The following LOC122539214 variants were observed in gnomAD, a reference collection of about 807,000 sequenced individuals.
chr19:52,655,580 G>T, the LOC122539214 span: 11 of 1,501,988 alleles, frequency 7.3e-6, no homozygotes, highest in Non-Finnish European at 1.0e-5. Flanking sequence ...CCAGGTTCCT[G>T]TAGTTCTCCA....
At chr19:52,668,526 G>T in the LOC122539214 span, among the ~76,000 whole-genome samples, 13,287 of 152,100 alleles carry the variant, frequency 0.087, 620 homozygotes, top group Non-Finnish European at 0.11. Context: ...CTTCTTTAGG[G>T]TGTGCTTTTT....
chr19:52,652,569 T>A, the LOC122539214 span: 1 of 434,464 alleles, frequency 2.3e-6, no homozygotes, highest in Non-Finnish European at 4.6e-6. Flanking sequence ...AACGTTTCTT[T>A]CCAGTATGAG....
chr19:52,673,082 G>T, the LOC122539214 span, among the ~76,000 whole-genome samples: 8 of 152,112 alleles, frequency 5.3e-5, no homozygotes, highest in Non-Finnish European at 7.3e-5. Flanking sequence ...CTGGATGTGA[G>T]CCTGTAATCC....
the LOC122539214 span, among the ~76,000 whole-genome samples, chr19:52,674,015 C>CAAAAAAA: frequency 8.2e-5 from 6 of 73,042 alleles, no homozygotes; most frequent in African/African-American, 1.0e-4. Flanking sequence ...GACTCCATCT[C>CAAAAAAA]AAAAAAAAAA....
the LOC122539214 span, among the ~76,000 whole-genome samples, chr19:52,658,983 G>A: frequency 4.3e-3 from 654 of 152,130 alleles, 1 homozygote; most frequent in Non-Finnish European, 6.8e-3. Context: ...GCTCAGGGCC[G>A]GCTCTTGGTG....
chr19:52,665,552 T>C, the LOC122539214 span, among the ~76,000 whole-genome samples: 2 of 152,238 alleles, frequency 1.3e-5, no homozygotes, highest in Non-Finnish European at 2.9e-5. Context: ...TGTGTCAGTA[T>C]GTGCAATTAT....
At chr19:52,681,595 A>G in the LOC122539214 span, among the ~76,000 whole-genome samples, 1 of 152,212 alleles carries the variant, frequency 6.6e-6, no homozygotes, top group African/African-American at 2.4e-5. Context: ...CTTGGAGACA[A>G]GTGCATCACA....
chr19:52,678,196 T>C, the LOC122539214 span, among the ~76,000 whole-genome samples: 1 of 151,984 alleles, frequency 6.6e-6, no homozygotes. Flanking sequence ...CTCAAGCCTG[T>C]AATCCTAGCA....
At chr19:52,686,403 A>T in the LOC122539214 span, among the ~76,000 whole-genome samples, 1 of 151,458 alleles carries the variant, frequency 6.6e-6, no homozygotes. Context: ...ATTAAGTATT[A>T]AAAAAGATAC....
At chr19:52,658,040 G>A in the LOC122539214 span, among the ~76,000 whole-genome samples, 1 of 151,630 alleles carries the variant, frequency 6.6e-6, no homozygotes, top group Non-Finnish European at 1.5e-5. Context: ...AAAGGCTAAG[G>A]CAGGAGAATT....
the LOC122539214 span, among the ~76,000 whole-genome samples, chr19:52,667,622 T>C: frequency 0.079 from 12,006 of 152,200 alleles, 1,570 homozygotes; most frequent in African/African-American, 0.27. Context: ...AAAATGTTAA[T>C]TGTAAAGGAA....
the LOC122539214 span, among the ~76,000 whole-genome samples, chr19:52,676,931 T>A: frequency 1.4e-5 from 2 of 139,178 alleles, no homozygotes; most frequent in Admixed American, 7.4e-5. Context: ...GAAGGCAGCA[T>A]GCTCCTTAAG....
chr19:52,676,298 G>C, the LOC122539214 span, among the ~76,000 whole-genome samples: 1 of 152,192 alleles, frequency 6.6e-6, no homozygotes, highest in Non-Finnish European at 1.5e-5. Flanking sequence ...TGGTGCCCAG[G>C]CTGGAGTGCA....
the LOC122539214 span, among the ~76,000 whole-genome samples, chr19:52,684,097 C>T: frequency 6.6e-6 from 1 of 151,930 alleles, no homozygotes; most frequent in African/African-American, 2.4e-5. Flanking sequence ...GAGCTGGGTG[C>T]AGGGCTCATG....
the LOC122539214 span, among the ~76,000 whole-genome samples, chr19:52,676,908 T>TA: frequency 7.3e-6 from 1 of 137,054 alleles, no homozygotes; most frequent in East Asian, 2.0e-4. Flanking sequence ...TGTGCTTTGT[T>TA]AAACAGATGC....
the LOC122539214 span, among the ~76,000 whole-genome samples, chr19:52,680,929 G>A: frequency 5.1e-3 from 771 of 151,744 alleles, 8 homozygotes; most frequent in African/African-American, 0.017. Flanking sequence ...AATATTTTAA[G>A]ATCCCTTAAG....
chr19:52,687,610 T>TGTG, the LOC122539214 span, among the ~76,000 whole-genome samples: 1 of 30,046 alleles, frequency 3.3e-5, no homozygotes, highest in African/African-American at 4.1e-4. Flanking sequence ...TATATATATA[T>TGTG]AATGTGTATA....
At chr19:52,658,982 C>T in the LOC122539214 span, among the ~76,000 whole-genome samples, 6 of 152,202 alleles carry the variant, frequency 3.9e-5, no homozygotes, top group Admixed American at 1.3e-4. Context: ...TGCTCAGGGC[C>T]GGCTCTTGGT....
the LOC122539214 span, among the ~76,000 whole-genome samples, chr19:52,677,049 G>T: frequency 6.8e-6 from 1 of 146,888 alleles, no homozygotes; most frequent in Non-Finnish European, 1.5e-5. Context: ...TTGTTTATCT[G>T]CTGACCTTCC....
Sources: allele counts gnomAD v4.1 joint callset (sites outside exome capture counted in the v4.1 genomes callset), GRCh38; gene constraint gnomAD v4.1.1; transcripts MANE v1.5.